VTA1: variants seen among roughly 807,000 people sequenced by gnomAD.
VTA1 encodes the protein vesicle trafficking 1.
In VTA1, 24 loss-of-function variants were observed where a neutral mutation model predicts 36.9. The observed-to-expected ratio is 0.65, with a 90% CI of 0.47 to 0.91. The LOEUF is 0.91. VTA1 is among the 40% of genes least tolerant of loss of function. VTA1 has a pLI of 0.00. For missense variants in VTA1, 393 were observed against 377.2 expected (o/e 1.04, Z -0.35); for synonymous variants, 142 against 130.2 (o/e 1.09, Z -0.62).
intron 1 of VTA1, among the ~76,000 whole-genome samples, chr6:142,159,667 C>G (rs534811051): frequency 1.1e-3 from 164 of 151,762 alleles, no homozygotes; most frequent in African/African-American, 3.9e-3. Context: ...GTGCCTGCCA[C>G]CACACCCAGC....
intron 1 of VTA1, among the ~76,000 whole-genome samples, chr6:142,165,771 A>G (rs6570497): frequency 5.9e-5 from 9 of 151,980 alleles, no homozygotes; most frequent in African/African-American, 2.2e-4. Flanking sequence ...ATTCAAAGAG[A>G]GAGTATATGT....
intron 5 of VTA1, among the ~76,000 whole-genome samples, chr6:142,198,113 A>ATG (rs1414329840): frequency 8.5e-6 from 1 of 116,970 alleles, no homozygotes; most frequent in African/African-American, 3.6e-5. Context: ...AAATATATAT[A>ATG]TATATATGTG....
Position 142,221,387 on chromosome 6 carries a change from GATAC to G in VTA1, c.*2751_*2754del, listed in dbSNP as rs1196776346. 1 of 152,248 alleles carries G rather than the reference GATAC, an allele frequency of 6.6e-6. No individual in the cohort carries two copies. Among genetic ancestry groups the G allele is most frequent in the Non-Finnish European group, 1.5e-5 (1 of 68,082 alleles). The allele number at this position is 152,248 out of a possible 1,614,324, so 9.4% of individuals were successfully genotyped here. ...GAAGGAAAAGAGTAACTAGTATGCA[GATAC>G]ATACATGGAGGAAGAGCATTCCCAA... On this transcript the variant is annotated 3_prime_UTR_variant, in exon 8 of 8. Transcript: ENST00000367630.
In VTA1 at chr6:142,189,520, T is replaced by C. The variant is rs1296447579; in HGVS notation, c.506T>C (p.Ile169Thr). 2 of 1,604,744 alleles carry C rather than the reference T, an allele frequency of 1.2e-6. No individual in the cohort carries two copies. Among genetic ancestry groups the C allele is most frequent in the South Asian group, 1.1e-5 (1 of 90,520 alleles). ...ACTCCTCAAGCAGGCCCTGTTGGAATTGAAGAAGATAATGGTATGTATTTA... is the reference window on the plus strand; with the variant it reads ...ACTCCTCAAGCAGGCCCTGTTGGAACTGAAGAAGATAATGGTATGTATTTA... ...GETPQAGPVG[I>T]EEDNDIEENE... is the part of the protein sequence containing the mutation. The change falls in exon 5 of 8, where the codon ATT becomes ACT. Residue 169 changes from isoleucine (I) to threonine (T), a missense_variant. Coordinates refer to ENST00000367630, the MANE Select transcript of VTA1 (RefSeq NM_016485.5).
intron 3 of VTA1, among the ~76,000 whole-genome samples, 157 bp downstream of exon 3, chr6:142,169,834 C>T (rs940844785): frequency 6.6e-6 from 1 of 151,940 alleles, no homozygotes; most frequent in Non-Finnish European, 1.5e-5. Flanking sequence ...ATTACAAATT[C>T]GGGCCTTTCT....
At chr6:142,150,914 A>G (rs925328528) in intron 1 of VTA1, among the ~76,000 whole-genome samples, 28 of 137,944 alleles carry the variant, frequency 2.0e-4, no homozygotes, top group African/African-American at 7.7e-4. Context: ...CTCCATCTCC[A>G]AAAAAAAAAA....
chr6:142,224,099 A>T lies in VTA1; in HGVS notation c.*5456A>T, dbSNP rs1776160262. On this transcript the variant is annotated 3_prime_UTR_variant, in exon 8 of 8. Coordinates refer to ENST00000367630, the MANE Select transcript of VTA1 (RefSeq NM_016485.5). ...CCCATAGGGAGGCAATTAAGGTTAC[A>T]TGAGATCATAAAGGTGAGGCCCTAA... The T allele has an allele frequency of 6.6e-6, 1 of 152,192 alleles. No individual in the cohort carries two copies. Among genetic ancestry groups the T allele is most frequent in the Non-Finnish European group, 1.5e-5 (1 of 68,042 alleles). The allele number at this position is 152,192 out of a possible 1,614,324, so 9.4% of individuals were successfully genotyped here. A position where few individuals can be genotyped will look rare whatever the true frequency, so the allele number is the denominator to read the frequency against.
chr6:142,199,806 A>G (rs1246710683), intron 6 of VTA1, among the ~76,000 whole-genome samples: 1 of 152,082 alleles, frequency 6.6e-6, no homozygotes, highest in Non-Finnish European at 1.5e-5. Flanking sequence ...TGACTTTTCA[A>G]TATTTTATGG....
At chr6:142,163,409 T>G (rs755830469) in intron 1 of VTA1, among the ~76,000 whole-genome samples, 3 of 152,150 alleles carry the variant, frequency 2.0e-5, no homozygotes, top group Non-Finnish European at 4.4e-5. Context: ...ATAATATTAG[T>G]CTTGGTTACA....
At chr6:142,178,028 A>C (rs1349502206) in intron 4 of VTA1, among the ~76,000 whole-genome samples, 1 of 152,202 alleles carries the variant, frequency 6.6e-6, no homozygotes, top group African/African-American at 2.4e-5. Context: ...ATCTGAAGAA[A>C]TAATGACCAC....
chr6:142,199,573 AT>A (rs1377376945), intron 6 of VTA1, among the ~76,000 whole-genome samples: 2 of 151,906 alleles, frequency 1.3e-5, no homozygotes, highest in Admixed American at 6.6e-5. Flanking sequence ...TTTTACCCAA[AT>A]TTTTTTTATT....
At chr6:142,183,036 A>AGT (rs1452560572) in intron 4 of VTA1, among the ~76,000 whole-genome samples, 1 of 151,646 alleles carries the variant, frequency 6.6e-6, no homozygotes, top group Non-Finnish European at 1.5e-5. Flanking sequence ...CAGGAAAGCA[A>AGT]GTGTAAGGGG....
Position 142,181,456 on chromosome 6 carries a change from TA to T in VTA1, c.412-7969del, listed in dbSNP as rs1425433011. Among the ~76,000 whole-genome samples the T allele has an allele frequency of 4.4e-3, 28 of 6,306 alleles. No homozygotes were observed. In the East Asian group the frequency reaches 0.17, roughly 38 times the overall value. The allele number at this position is 6,306 out of a possible 152,430, so 4.1% of individuals were successfully genotyped here. ...CCTGACACACACACTTTTTATATTTTATATATATATATATATATGTATATGT... is the reference window on the plus strand; with the variant it reads ...CCTGACACACACACTTTTTATATTTTTATATATATATATATATGTATATGT... On this transcript the variant is annotated intron_variant, in intron 4 of 7. Transcript: ENST00000367630.
intron 2 of VTA1, among the ~76,000 whole-genome samples, chr6:142,169,184 TC>T (rs1774981200): frequency 6.6e-6 from 1 of 152,226 alleles, no homozygotes; most frequent in Non-Finnish European, 1.5e-5. Context: ...GAAATTATTT[TC>T]TAATTCTATT....
At position 142,198,499 on chromosome 6, in the gene VTA1, C is replaced by A; in HGVS notation, c.581C>A (p.Ser194Ter). The A allele has an allele frequency of 6.2e-7, 1 of 1,614,144 alleles. No homozygotes were observed. Among genetic ancestry groups the A allele is most frequent in the South Asian group, 1.1e-5 (1 of 91,072 alleles). ...ASLPTQPTQP[S>*]SSSTYDPSNM... is the part of the protein sequence containing the mutation. ...CTGCCCACTCAGCCAACTCAGCCAT[C>A]ATCATCTTCAACTTATGACCCAAGC... Residue 194 changes from serine (S) to a stop codon, truncating the protein, a stop_gained, in exon 6 of 8, where the codon TCA (serine) becomes TAA (stop). Transcript: ENST00000367630. LOFTEE classifies it high-confidence loss of function.
intron 4 of VTA1, among the ~76,000 whole-genome samples, chr6:142,180,913 T>G (rs1197497100): frequency 6.6e-6 from 1 of 151,110 alleles, no homozygotes; most frequent in East Asian, 1.9e-4. Context: ...GGGGGGAAAA[T>G]AACTACAAAG....
At chr6:142,212,211 A>G (rs972367430) in intron 7 of VTA1, among the ~76,000 whole-genome samples, 3 of 152,258 alleles carry the variant, frequency 2.0e-5, no homozygotes, top group Admixed American at 6.5e-5. Flanking sequence ...AAAACCTGCA[A>G]GCAAAAGTTT....
At chr6:142,208,723 G>C (rs539012715) in intron 7 of VTA1, among the ~76,000 whole-genome samples, 2 of 152,054 alleles carry the variant, frequency 1.3e-5, no homozygotes, top group African/African-American at 4.8e-5. Context: ...GCTCCAAATC[G>C]TCTGGCAACA....
chr6:142,162,617 T>C (rs1354667382), intron 1 of VTA1, among the ~76,000 whole-genome samples: 2 of 152,172 alleles, frequency 1.3e-5, no homozygotes, highest in African/African-American at 2.4e-5. Context: ...ATATTTGTAA[T>C]GATGACAATC....
Sources: gnomAD v4.1 joint callset for allele counts (sites outside exome capture counted in the v4.1 genomes callset) on GRCh38, gnomAD v4.1.1 for gene constraint, MANE v1.5 for transcripts, NCBI Gene and HGNC (gene_info 2026-07-23, HGNC 2026-07-21) for gene names.